The following VSTM2A variants were observed in gnomAD, a reference collection of about 807,000 sequenced individuals.
VSTM2A encodes V-set and transmembrane domain-containing protein 2A.
In VSTM2A, 13 loss-of-function variants were observed where a neutral mutation model predicts 27.3. That is an observed-to-expected ratio of 0.48 (90% CI 0.31 to 0.76). The LOEUF (loss-of-function observed/expected upper bound fraction) is 0.76. Ranked by LOEUF, VSTM2A falls within the 30% of genes least tolerant of loss-of-function variation. VSTM2A has a pLI of 0.05. For synonymous variants in VSTM2A, 142 were observed against 125.7 expected (o/e 1.13, Z -0.87); for missense variants, 280 against 310.0 (o/e 0.90, Z 0.73).
chr7:54,556,239 T>G (rs1044515089), intron 4 of VSTM2A, among the ~76,000 whole-genome samples: 3 of 152,212 alleles, frequency 2.0e-5, no homozygotes, highest in Non-Finnish European at 4.4e-5. Flanking sequence ...GTGGTACTTG[T>G]GTCTCCGTGT....
chr7:54,550,181 C>A lies in VSTM2A; in HGVS notation c.634+11C>A. On this transcript the variant is annotated intron_variant, in intron 4 of 4. Coordinates refer to ENST00000402613, the MANE Select transcript of VSTM2A (RefSeq NM_001301009.2). ...AAAGTCCACAATCAGGTATGGAAACCCATTTCGAGCCTTTTATTTTACCAC... is the reference window on the plus strand; with the variant it reads ...AAAGTCCACAATCAGGTATGGAAACACATTTCGAGCCTTTTATTTTACCAC... 1 of 1,580,304 alleles carries A rather than the reference C, an allele frequency of 6.3e-7. No individual in the cohort carries two copies. The highest frequency in any genetic ancestry group is 2.3e-5 in the East Asian group (1 of 42,738).
intron 4 of VSTM2A, among the ~76,000 whole-genome samples, chr7:54,555,149 T>C (rs1788314338): frequency 6.6e-6 from 1 of 152,216 alleles, no homozygotes; most frequent in Admixed American, 6.5e-5. Flanking sequence ...CCCTAAAACA[T>C]CCTTGAGAAG....
rs763944054 is a variant in VSTM2A, at chr7:54,550,040, G to A, written c.504G>A (p.Gln168=). 6.2e-7 allele frequency: 1 copy of A among 1,610,634 alleles called. No individual in the cohort carries two copies. The highest frequency in any genetic ancestry group is 2.2e-5 in the East Asian group (1 of 44,756). The change falls in exon 4 of 5, where the codon CAG becomes CAA. Residue 168 remains glutamine, a synonymous_variant. Coordinates refer to ENST00000402613, the MANE Select transcript of VSTM2A (RefSeq NM_001301009.2). The part of the protein sequence containing the change: ...QAFEASPMWL[Q]DMKPRKNVSA... ...TCGAAGCCTCGCCCATGTGGCTGCA[G>A]GATATGAAGCCCCGCAAGAACGTCT... is the stretch of plus-strand genomic sequence containing the variant.
chr7:54,564,097 G>A (rs757146208), intron 4 of VSTM2A, among the ~76,000 whole-genome samples: 1 of 152,130 alleles, frequency 6.6e-6, no homozygotes, highest in Non-Finnish European at 1.5e-5. Context: ...GAAGGGCCGC[G>A]TCTACTCGAA....
chr7:54,566,786 C>G (rs1788737657), intron 4 of VSTM2A, among the ~76,000 whole-genome samples: 1 of 152,192 alleles, frequency 6.6e-6, no homozygotes, highest in African/African-American at 2.4e-5. Context: ...CAGAGGAAAT[C>G]AGAACTCAGC....
chr7:54,568,241 A>T (rs1269424314), intron 4 of VSTM2A, among the ~76,000 whole-genome samples: 1 of 152,176 alleles, frequency 6.6e-6, no homozygotes, highest in East Asian at 1.9e-4. Context: ...GGACCCAAAC[A>T]TGATTTAGAT....
At chr7:54,551,813 A>G (rs1378682660) in intron 4 of VSTM2A, 2 of 152,218 alleles carry the variant, frequency 1.3e-5, no homozygotes, top group African/African-American at 2.4e-5. Context: ...ACTCCAAATC[A>G]TGGAAGTGAA....
intron 4 of VSTM2A, among the ~76,000 whole-genome samples, chr7:54,563,876 A>G (rs982933311): frequency 1.3e-5 from 2 of 152,248 alleles, no homozygotes; most frequent in African/African-American, 4.8e-5. Context: ...TCTAGAAGAA[A>G]TTGGCACCGG....
intron 2 of VSTM2A, chr7:54,546,188 G>A (rs938757396): frequency 6.6e-6 from 1 of 152,628 alleles, no homozygotes; most frequent in African/African-American, 2.4e-5. Flanking sequence ...AGGAAAAGGA[G>A]AGAAGAGAGG....
intron 4 of VSTM2A, among the ~76,000 whole-genome samples, chr7:54,567,204 G>GA (rs1285354835): frequency 6.6e-6 from 1 of 152,096 alleles, no homozygotes; most frequent in Admixed American, 6.6e-5. Flanking sequence ...TTTTCCTGGC[G>GA]AAAATGAATT....
intron 4 of VSTM2A, among the ~76,000 whole-genome samples, chr7:54,555,016 C>T (rs1788306244): frequency 6.6e-6 from 1 of 152,224 alleles, no homozygotes; most frequent in Admixed American, 6.5e-5. Context: ...AAGAAATGTT[C>T]TTCCTCCTAT....
intron 4 of VSTM2A, among the ~76,000 whole-genome samples, chr7:54,562,251 A>G (rs1562714043): frequency 6.6e-6 from 1 of 152,158 alleles, no homozygotes; most frequent in Non-Finnish European, 1.5e-5. Context: ...AATCATGGCT[A>G]TATCTTTATT....
intron 4 of VSTM2A, 193 bp downstream of exon 4, chr7:54,550,363 C>T: frequency 7.0e-7 from 1 of 1,426,512 alleles, no homozygotes; most frequent in Admixed American, 2.9e-5. Flanking sequence ...TGGGTGCACC[C>T]CGTCAGTCCC....
intron 4 of VSTM2A, among the ~76,000 whole-genome samples, chr7:54,560,199 A>G (rs1333183414): frequency 2.6e-5 from 4 of 152,084 alleles, no homozygotes; most frequent in Non-Finnish European, 5.9e-5. Flanking sequence ...AGAGTTCAGG[A>G]CAAAATCTTA....
intron 4 of VSTM2A, among the ~76,000 whole-genome samples, chr7:54,563,368 T>A (rs1788620842): frequency 1.3e-5 from 2 of 152,186 alleles, no homozygotes; most frequent in South Asian, 4.1e-4. Flanking sequence ...GATTACCTCC[T>A]GGGATCACAG....
chr7:54,546,844 T>TCG, intron 2 of VSTM2A, 103 bp from the exon 3 acceptor site: 4 of 1,500,642 alleles, frequency 2.7e-6, no homozygotes, highest in African/African-American at 1.4e-5. Context: ...TGTCCCCAGG[T>TCG]CACCCTGACG....
intron 4 of VSTM2A, among the ~76,000 whole-genome samples, chr7:54,563,139 T>G (rs1301648317): frequency 6.6e-6 from 1 of 152,316 alleles, no homozygotes; most frequent in East Asian, 1.9e-4. Context: ...GCCATTCATA[T>G]CTCTATATAT....
chr7:54,559,709 C>T (rs1307173311), intron 4 of VSTM2A: 1 of 152,048 alleles, frequency 6.6e-6, no homozygotes, highest in Non-Finnish European at 1.5e-5. Flanking sequence ...GTTTTTCATA[C>T]ACCTGGAAAT....
At chr7:54,556,836 A>G (rs1788376464) in intron 4 of VSTM2A, 4 of 152,142 alleles carry the variant, frequency 2.6e-5, no homozygotes, top group South Asian at 4.1e-4. Context: ...TCAAGGTTGG[A>G]TGGGTTTTTC....
Sources: gnomAD v4.1 joint callset for allele counts (sites outside exome capture counted in the v4.1 genomes callset) on GRCh38, gnomAD v4.1.1 for gene constraint, MANE v1.5 for transcripts, NCBI Gene and HGNC (gene_info 2026-07-23, HGNC 2026-07-21) for gene names.